Variants in DYNC2I1 observed in about 807,000 individuals in gnomAD.
DYNC2I1 encodes cytoplasmic dynein 2 intermediate chain 1.
In DYNC2I1, 89 loss-of-function variants were observed where a neutral mutation model predicts 133.4. The observed-to-expected ratio is 0.67, with a 90% confidence interval of 0.56 to 0.80. The LOEUF (loss-of-function observed/expected upper bound fraction) is 0.80, where lower values mean the gene tolerates loss of function less well. Ranked by LOEUF, DYNC2I1 falls within the 30% of genes least tolerant of loss-of-function variation. The pLI is 0.00. For missense variants in DYNC2I1, 1,291 were observed against 1,314.5 expected (o/e 0.98, Z 0.28); for synonymous variants, 504 against 484.3 (o/e 1.04, Z -0.54).
chr7:158,911,586 A>G lies in DYNC2I1; in HGVS notation c.1497A>G (p.Leu499=). The G allele has an allele frequency of 6.2e-7, 1 of 1,613,746 alleles. No homozygotes were observed. The highest frequency in any genetic ancestry group is 8.5e-7 in the Non-Finnish European group (1 of 1,179,810). The change falls in exon 12 of 25, where the codon TTA becomes TTG. Residue 499 remains leucine, a synonymous_variant. Transcript: ENST00000407559. ...CAAAACTGCTTCGGCTCATTGACTT[A>G]GATTTTTCATTTACTTTCTCTCTCT... ...RSTKLLRLID[L]DFSFTFSLLD...
In DYNC2I1 at chr7:158,902,547, C is replaced by G; in HGVS notation, c.1309C>G (p.Leu437Val). The change falls in exon 10 of 25, where the codon CTG (leucine) becomes GTG (valine). Residue 437 changes from leucine (L) to valine (V), a missense_variant. By Grantham distance (32) the Leu-to-Val change is conservative. Coordinates refer to ENST00000407559, the MANE Select transcript of DYNC2I1 (RefSeq NM_018051.5). ...AAGGATTGGCGAGTTATCTTTGAAA[C>G]TGTTTCAGAAGCGAGGTAGAACAGA... ...NERIGELSLK[L>V]FQKRGRTEFE... 1 of 1,613,988 alleles carries G rather than the reference C, an allele frequency of 6.2e-7. No homozygotes were observed. Among genetic ancestry groups the G allele is most frequent in the Non-Finnish European group, 8.5e-7 (1 of 1,179,888 alleles).
the DYNC2I1 span, among the ~76,000 whole-genome samples, chr7:158,850,939 C>G: frequency 6.6e-6 from 1 of 151,644 alleles, no homozygotes; most frequent in Non-Finnish European, 1.5e-5. Flanking sequence ...TGAGAAATAG[C>G]TCTCATCTAA....
At chr7:158,841,721 G>A in the DYNC2I1 span, among the ~76,000 whole-genome samples, 1 of 152,310 alleles carries the variant, frequency 6.6e-6, no homozygotes, top group African/African-American at 2.4e-5. Flanking sequence ...AGCAAATATG[G>A]TGGAGCACAG....
At chr7:158,917,383 TCCACC>T (rs1392568325) in intron 14 of DYNC2I1, among the ~76,000 whole-genome samples, 2 of 142,104 alleles carry the variant, frequency 1.4e-5, no homozygotes, top group Non-Finnish European at 3.0e-5. Flanking sequence ...TCCTCCACAC[TCCACC>T]CTCTGCCTCT....
At chr7:158,926,339 G>A in intron 18 of DYNC2I1, 39 bp downstream of exon 18, 1 of 1,602,044 alleles carries the variant, frequency 6.2e-7, no homozygotes, top group Non-Finnish European at 8.5e-7. Context: ...CTTCATCAAT[G>A]GTTGTGAAAT....
intron 11 of DYNC2I1, among the ~76,000 whole-genome samples, chr7:158,910,071 C>T (rs1847242374): frequency 6.6e-6 from 1 of 152,194 alleles, no homozygotes; most frequent in Admixed American, 6.5e-5. Context: ...GTGGCGATAA[C>T]AGTAAAGAAA....
chr7:158,914,876 T>C (rs958893984), intron 14 of DYNC2I1, among the ~76,000 whole-genome samples: 2 of 152,208 alleles, frequency 1.3e-5, no homozygotes, highest in African/African-American at 2.4e-5. Flanking sequence ...TACAGTTCAG[T>C]ATGAATCTCA....
At chr7:158,875,532 A>G (rs1843274565) in intron 3 of DYNC2I1, among the ~76,000 whole-genome samples, 1 of 152,236 alleles carries the variant, frequency 6.6e-6, no homozygotes, top group South Asian at 2.1e-4. Context: ...GTGAAAGTCC[A>G]GCTTTCCTTG....
downstream of DYNC2I1, chr7:158,956,861 T>A (rs1852211766): frequency 6.6e-6 from 1 of 152,290 alleles, no homozygotes; most frequent in African/African-American, 2.4e-5. Context: ...AGGCTCTTCC[T>A]CTGTGTAGCT....
Position 158,930,451 on chromosome 7 carries a change from T to G in DYNC2I1, c.2486-4T>G, listed in dbSNP as rs1052331113. On this transcript the variant is annotated splice_region_variant and splice_polypyrimidine_tract_variant and intron_variant, in intron 20 of 24. Transcript: ENST00000407559. Reference sequence around the variant, plus strand: ...TGCATTGATTTTGGTTCATCTCTTTTTAGGTCTGATGCCTGGAGGGAGGGT... The same window carrying G: ...TGCATTGATTTTGGTTCATCTCTTTGTAGGTCTGATGCCTGGAGGGAGGGT... 2 of 1,611,366 alleles carry G rather than the reference T, an allele frequency of 1.2e-6. No individual in the cohort carries two copies. Among genetic ancestry groups the G allele is most frequent in the Non-Finnish European group, 1.7e-6 (2 of 1,178,882 alleles).
chr7:158,909,757 C>T (rs542445735), intron 11 of DYNC2I1, among the ~76,000 whole-genome samples: 2 of 152,304 alleles, frequency 1.3e-5, no homozygotes, highest in East Asian at 1.9e-4. Flanking sequence ...CTTGATTTCT[C>T]AAGACAGTAG....
At chr7:158,935,869 C>T (rs1185687803) in intron 23 of DYNC2I1, among the ~76,000 whole-genome samples, 2 of 152,066 alleles carry the variant, frequency 1.3e-5, no homozygotes, top group Non-Finnish European at 2.9e-5. Context: ...AGTTCAAGAC[C>T]AGCCTGACCA....
rs141998584 is a variant in DYNC2I1 at position 158,920,901 on chromosome 7, A to T, written c.1922-1476A>T. 1.6e-3 allele frequency among the ~76,000 whole-genome samples: 238 copies of T among 152,206 alleles called. 3 individuals are homozygous for T. In the East Asian group the frequency reaches 0.033, roughly 21 times the overall value. On this transcript the variant is annotated intron_variant, in intron 15 of 24. Transcript: ENST00000407559. ...TCATCACTATTAAAACACGCGGCAG[A>T]ATGACACAGCCAGCGGGTCGTCCTC...
chr7:158,945,423 AT>A lies in DYNC2I1; in HGVS notation c.3003-155del, dbSNP rs1851784167. Among the ~76,000 whole-genome samples, 1 of 152,134 alleles carries A rather than the reference AT, an allele frequency of 6.6e-6. No homozygotes were observed. Among genetic ancestry groups the A allele is most frequent in the South Asian group, 2.1e-4 (1 of 4,828 alleles). ...GACATGCGGAAATGCATTTTCACAC[AT>A]TTATTTCTGGTCTAGCTTTCATTTT... On this transcript the variant is annotated intron_variant, in intron 24 of 24. Coordinates refer to ENST00000407559, the MANE Select transcript of DYNC2I1 (RefSeq NM_018051.5). This position sits in a 1 kb window ranked among gnomAD's most constrained non-coding sequence, Gnocchi z 4.1.
chr7:158,872,818 G>A (rs1227040398), intron 3 of DYNC2I1, among the ~76,000 whole-genome samples: 1 of 151,964 alleles, frequency 6.6e-6, no homozygotes, highest in Admixed American at 6.6e-5. Flanking sequence ...CCAACATGGC[G>A]AAACCCCATC....
At position 158,876,637 on chromosome 7, in the gene DYNC2I1, T is replaced by G; in HGVS notation, c.519T>G (p.Asp173Glu). 6.3e-7 allele frequency: 1 copy of G among 1,582,194 alleles called. No individual in the cohort carries two copies. Among genetic ancestry groups the G allele is most frequent in the Non-Finnish European group, 8.5e-7 (1 of 1,170,364 alleles). The change falls in exon 4 of 25, where the codon GAT (aspartate) becomes GAG (glutamate). Residue 173 changes from aspartate to glutamate, a missense_variant. Coordinates refer to ENST00000407559, the MANE Select transcript of DYNC2I1 (RefSeq NM_018051.5). ...SVSKVRSEEK[D>E]EDSERGDEDR... ...GTAAAGTAAGAAGTGAAGAGAAAGA[T>G]GAAGACTCTGAAAGAGGAGATGAAG... is the stretch of plus-strand genomic sequence containing the variant.
At chr7:158,868,420 G>A (rs760777428) in intron 1 of DYNC2I1, among the ~76,000 whole-genome samples, 2 of 152,214 alleles carry the variant, frequency 1.3e-5, no homozygotes, top group South Asian at 4.1e-4. Flanking sequence ...CTTAGCTGGA[G>A]AGATGTCATC....
the DYNC2I1 span, among the ~76,000 whole-genome samples, chr7:158,848,840 C>T: frequency 8.9e-3 from 1,349 of 151,860 alleles, 14 homozygotes; most frequent in Non-Finnish European, 0.012. Flanking sequence ...AGGAGAATGG[C>T]GTGAATCGCG....
the DYNC2I1 span, among the ~76,000 whole-genome samples, chr7:158,839,561 T>G: frequency 2.6e-5 from 4 of 152,218 alleles, no homozygotes; most frequent in Non-Finnish European, 5.9e-5. Flanking sequence ...GGTTCACGCC[T>G]GTAATCCCAG....
Sources: allele counts gnomAD v4.1 joint callset (sites outside exome capture counted in the v4.1 genomes callset), GRCh38; gene constraint gnomAD v4.1.1; non-coding constraint Gnocchi (gnomAD v3.1); transcripts MANE v1.5; gene names NCBI Gene and HGNC (gene_info 2026-07-23, HGNC 2026-07-21).